Variants in DLGAP1 observed in about 807,000 individuals in gnomAD.
The protein encoded by DLGAP1 is DLG associated protein 1, also known as disks large-associated protein 1.
A neutral mutation model predicts 90.8 loss-of-function variants in DLGAP1; 11 were observed. That is an observed-to-expected ratio of 0.12 (90% CI 0.08 to 0.20). DLGAP1 has a LOEUF of 0.20. DLGAP1 is among the 10% of genes least tolerant of loss of function. The probability of loss-of-function intolerance (pLI) is 1.00; values close to 1 mark genes in which losing one functional copy is unlikely to be tolerated. For missense variants in DLGAP1, 1,050 were observed against 1,333.8 expected, an observed-to-expected ratio of 0.79 and a Z score of 3.31; for synonymous variants, 558 against 540.7, an observed-to-expected ratio of 1.03 and a Z score of -0.44.
At chr18:3,943,988 C>G (rs552877457) in intron 3 of DLGAP1, among the ~76,000 whole-genome samples, 6 of 152,168 alleles carry the variant, frequency 3.9e-5, no homozygotes, top group African/African-American at 2.4e-5. Flanking sequence ...GGACTTCCAG[C>G]CTTCAGAACA....
chr18:4,039,495 T>C (rs981586988), intron 2 of DLGAP1, among the ~76,000 whole-genome samples: 1 of 152,130 alleles, frequency 6.6e-6, no homozygotes, highest in Admixed American at 6.5e-5. Context: ...ATCAAATAAA[T>C]GCCTAGAAAA....
At chr18:3,583,765 T>C (rs945125643) in intron 7 of DLGAP1, among the ~76,000 whole-genome samples, 18 of 152,242 alleles carry the variant, frequency 1.2e-4, no homozygotes, top group African/African-American at 4.1e-4. Flanking sequence ...CTGGTCAACA[T>C]GGTGAAACCT....
chr18:3,602,551 C>T (rs950291941), intron 7 of DLGAP1, among the ~76,000 whole-genome samples: 14 of 141,724 alleles, frequency 9.9e-5, no homozygotes, highest in African/African-American at 3.1e-4. Context: ...GCCGAGATCG[C>T]GCCACCGCAC....
At chr18:3,614,663 A>T in intron 7 of DLGAP1, among the ~76,000 whole-genome samples, 1 of 123,034 alleles carries the variant, frequency 8.1e-6, no homozygotes. Context: ...CAACATGGAG[A>T]AACCCCGCCT....
chr18:3,522,154 T>C (rs1817902994), intron 10 of DLGAP1, among the ~76,000 whole-genome samples: 1 of 149,880 alleles, frequency 6.7e-6, no homozygotes, highest in South Asian at 2.1e-4. Flanking sequence ...TTTTTTTTTT[T>C]AGACAGAGTT....
rs75021672 is a variant in DLGAP1, at chr18:4,437,700, T to G, written c.-267+17306A>C. ...CATTATGCTGGTATAATCTTGGTTTTGTTTACTAATCTTTCTCTTGTATAA... is the reference window on the plus strand; with the variant it reads ...CATTATGCTGGTATAATCTTGGTTTGGTTTACTAATCTTTCTCTTGTATAA... On this transcript the variant is annotated intron_variant, in intron 1 of 12. Transcript: ENST00000315677. 4.7e-3 allele frequency among the ~76,000 whole-genome samples: 722 copies of G among 152,326 alleles called. 4 individuals carry two copies. The highest frequency in any genetic ancestry group is 0.016 in the African/African-American group (672 of 41,570).
chr18:4,273,930 C>G (rs2079344821), intron 1 of DLGAP1, among the ~76,000 whole-genome samples: 1 of 151,986 alleles, frequency 6.6e-6, no homozygotes, highest in African/African-American at 2.4e-5. Context: ...TAGCTAAAGG[C>G]TTGTCAATTT....
chr18:3,878,942 C>A (rs915578399), intron 4 of DLGAP1, among the ~76,000 whole-genome samples, 170 bp downstream of exon 4: 44 of 152,230 alleles, frequency 2.9e-4, no homozygotes, highest in African/African-American at 1.0e-3. Flanking sequence ...GCATTTGTTT[C>A]TTTTCATTTT....
At chr18:3,767,291 T>C (rs2064292698) in intron 5 of DLGAP1, among the ~76,000 whole-genome samples, 1 of 152,096 alleles carries the variant, frequency 6.6e-6, no homozygotes, top group South Asian at 2.1e-4. Context: ...CAGGTCCAGA[T>C]GGTTTCACAG....
intron 1 of DLGAP1, among the ~76,000 whole-genome samples, chr18:4,233,956 T>A (rs1326776413): frequency 6.6e-6 from 1 of 152,074 alleles, no homozygotes; most frequent in Non-Finnish European, 1.5e-5. Flanking sequence ...CATACGTTTT[T>A]AAAATATTTT....
chr18:3,587,324 G>A (rs2055946305), intron 7 of DLGAP1, among the ~76,000 whole-genome samples: 1 of 152,148 alleles, frequency 6.6e-6, no homozygotes, highest in Non-Finnish European at 1.5e-5. Context: ...CAAAGTGCTG[G>A]GATTACAGGC....
intron 1 of DLGAP1, among the ~76,000 whole-genome samples, chr18:4,427,749 C>T (rs754378536): frequency 1.1e-4 from 16 of 152,120 alleles, no homozygotes; most frequent in Non-Finnish European, 1.9e-4. Flanking sequence ...AATTGTAAGT[C>T]ATGGGGAAAA....
At chr18:3,928,560 G>A (rs1017618882) in intron 3 of DLGAP1, among the ~76,000 whole-genome samples, 6 of 152,056 alleles carry the variant, frequency 3.9e-5, no homozygotes. Flanking sequence ...TATGTGCCAG[G>A]CATGGTTCCA....
chr18:3,874,901 C>T (rs966381833), intron 4 of DLGAP1: 2 of 644,480 alleles, frequency 3.1e-6, no homozygotes, highest in African/African-American at 1.9e-5. Flanking sequence ...CTGGGACTTG[C>T]AACGATTTCA....
intron 9 of DLGAP1, among the ~76,000 whole-genome samples, chr18:3,553,714 A>G (rs901219163): frequency 7.4e-6 from 1 of 135,714 alleles, no homozygotes; most frequent in Non-Finnish European, 1.6e-5. Context: ...TTGTATTTTT[A>G]GTAGAGACAG....
At chr18:3,793,793 G>A (rs927534658) in intron 5 of DLGAP1, among the ~76,000 whole-genome samples, 2 of 151,994 alleles carry the variant, frequency 1.3e-5, no homozygotes, top group South Asian at 2.1e-4. Context: ...CCCACTCTGC[G>A]ACCCCCTGAC....
At chr18:3,611,423 C>G (rs1049411141) in intron 7 of DLGAP1, among the ~76,000 whole-genome samples, 2 of 152,152 alleles carry the variant, frequency 1.3e-5, no homozygotes, top group Admixed American at 1.3e-4. Context: ...ACCGGCTCTA[C>G]CACTGCACTC....
At chr18:3,740,952 GTCACCACCACCACCACCATCACA>G (rs1261295263) in intron 6 of DLGAP1, among the ~76,000 whole-genome samples, 174 of 84,218 alleles carry the variant, frequency 2.1e-3, no homozygotes, top group South Asian at 5.0e-3. Flanking sequence ...TGCCACCACT[GTCACCACCACCACCACCATCACA>G]TCACCACCAC....
At chr18:4,156,135 G>C (rs534700698) in intron 1 of DLGAP1, among the ~76,000 whole-genome samples, 1 of 152,196 alleles carries the variant, frequency 6.6e-6, no homozygotes, top group Non-Finnish European at 1.5e-5. Context: ...GATGAGAAAG[G>C]CTGAGTCTAG....
Sources: allele counts gnomAD v4.1 joint callset (sites outside exome capture counted in the v4.1 genomes callset), GRCh38; gene constraint gnomAD v4.1.1; transcripts MANE v1.5; gene names NCBI Gene and HGNC (gene_info 2026-07-23, HGNC 2026-07-21).